Variants in RPS9 observed in about 807,000 individuals in gnomAD.
RPS9 encodes the protein small ribosomal subunit protein uS4.
RPS9 carries 1 observed loss-of-function variant against 16.9 expected under a neutral mutation model. The ratio of observed to expected loss-of-function variants is 0.06; its 90% confidence interval spans 0.02 to 0.28. The LOEUF is 0.28. RPS9 is among the 10% of genes least tolerant of loss of function. The probability of loss-of-function intolerance (pLI) is 1.00; values close to 1 mark genes in which losing one functional copy is unlikely to be tolerated. For missense variants in RPS9, 137 were observed against 273.2 expected (o/e 0.50, Z 3.51); for synonymous variants, 106 against 110.9 (o/e 0.96, Z 0.28).
chr19:54,207,608 CTCGTTT>C lies in RPS9; in HGVS notation c.*36_*41del. On this transcript the variant is annotated 3_prime_UTR_variant, in exon 5 of 5. Transcript: ENST00000302907. ...TGTCCCTCCTGGGCTGCTGGATTGT[CTCGTTT>C]TCCTGCCAAATAAACAGGATCAGCG... 6.5e-7 allele frequency: 1 copy of C among 1,537,430 alleles called. No individual in the cohort carries two copies. Among genetic ancestry groups the C allele is most frequent in the South Asian group, 1.2e-5 (1 of 83,530 alleles).
chr19:54,201,745 C>T (rs2077061252), intron 3 of RPS9, 136 bp downstream of exon 3: 1 of 1,466,902 alleles, frequency 6.8e-7, no homozygotes, highest in Non-Finnish European at 9.1e-7. Flanking sequence ...TTTAGTGGCA[C>T]TTGTGGAGTA....
intron 3 of RPS9, chr19:54,202,512 G>A (rs1489719657): frequency 1.0e-6 from 1 of 981,294 alleles, no homozygotes; most frequent in African/African-American, 1.8e-5. Flanking sequence ...GATGACTTTA[G>A]GAGGGCATGC....
intron 3 of RPS9, among the ~76,000 whole-genome samples, chr19:54,204,353 G>T (rs1387072170): frequency 6.6e-6 from 1 of 152,216 alleles, no homozygotes; most frequent in Non-Finnish European, 1.5e-5. Context: ...CAACGAGAGC[G>T]AAACTCTGTC....
intron 3 of RPS9, among the ~76,000 whole-genome samples, chr19:54,204,106 G>A (rs947565042): frequency 9.9e-5 from 15 of 152,150 alleles, no homozygotes; most frequent in African/African-American, 3.1e-4. Flanking sequence ...GGGCCTGAGT[G>A]CAGTGGCTCA....
Position 54,201,251 on chromosome 19 carries a change from T to C in RPS9, c.67T>C (p.Ser23Pro). The C allele has an allele frequency of 6.2e-7, 1 of 1,614,036 alleles. No individual in the cohort carries two copies. Among genetic ancestry groups the C allele is most frequent in the African/African-American group, 1.3e-5 (1 of 74,996 alleles). ...GACCCCGCGGAGACCCTTCGAGAAA[T>C]CTCGTCTCGACCAAGAGCTGAAGCT... Reference protein sequence around the residue: ...YVTPRRPFEKSRLDQELKLIG... With the variant: ...YVTPRRPFEKPRLDQELKLIG... Residue 23 changes from serine to proline, a missense_variant, in exon 2 of 5, where the codon TCT becomes CCT. This residue lies in a region of RPS9 where 64 missense variants were observed against 164.0 expected (regional missense o/e 0.39). Coordinates refer to ENST00000302907, the MANE Select transcript of RPS9 (RefSeq NM_001013.4).
intron 2 of RPS9, 78 bp downstream of exon 2, chr19:54,201,359 C>T (rs978456868): frequency 6.2e-7 from 1 of 1,608,134 alleles, no homozygotes; most frequent in African/African-American, 1.3e-5. Flanking sequence ...CCCATGTACT[C>T]TATCTAGTCC....
At chr19:54,205,688 C>G (rs1321694080) in intron 3 of RPS9, among the ~76,000 whole-genome samples, 1 of 152,080 alleles carries the variant, frequency 6.6e-6, no homozygotes, top group Non-Finnish European at 1.5e-5. Flanking sequence ...AGGTGATTTC[C>G]TTTACTCTTG....
Position 54,201,743 on chromosome 19 carries a change from C to T in RPS9, c.220+134C>T, listed in dbSNP as rs556707792. 3.5e-5 allele frequency: 51 copies of T among 1,470,946 alleles called. No individual in the cohort carries two copies. In the South Asian group the frequency reaches 6.0e-4, roughly 17 times the overall value. 91.1% of individuals were successfully genotyped at this position (1,470,946 alleles called of 1,614,324 possible). ...GAACCAGCCTTCTAACTTTTAGTGG[C>T]ACTTGTGGAGTAGGAAAAGTGTATC... is the stretch of plus-strand genomic sequence containing the variant. On this transcript the variant is annotated intron_variant, in intron 3 of 4. Transcript: ENST00000302907.
intron 4 of RPS9, 188 bp downstream of exon 4, chr19:54,206,650 C>T (rs2077252184): frequency 9.7e-6 from 15 of 1,549,882 alleles, no homozygotes; most frequent in Non-Finnish European, 1.3e-5. Context: ...CCCCAATAGC[C>T]CAGCGCAAGG....
In RPS9 at chr19:54,207,474, C is replaced by T. The variant is rs1325824131; in HGVS notation, c.484C>T (p.Arg162Cys). The T allele has an allele frequency of 3.1e-6, 5 of 1,613,608 alleles. No homozygotes were observed. In the South Asian group the frequency reaches 3.3e-5, roughly 11 times the overall value. ...DSQKHIDFSL[R>C]SPYGGGRPGR... ...CCAGAAGCACATCGACTTCTCTCTG[C>T]GCTCTCCCTACGGGGGTGGCCGCCC... is the stretch of plus-strand genomic sequence containing the variant. Residue 162 changes from arginine (R) to cysteine (C), a missense_variant, in exon 5 of 5, where the codon CGC (arginine) becomes TGC (cysteine). Physicochemically the swap from Arg to Cys is radical, Grantham distance 180 (BLOSUM62 -3). This residue lies in a region of RPS9 where 54 missense variants were observed against 90.9 expected (regional missense o/e 0.59). Coordinates refer to ENST00000302907, the MANE Select transcript of RPS9 (RefSeq NM_001013.4).
At chr19:54,205,953 A>G (rs2077225317) in intron 3 of RPS9, among the ~76,000 whole-genome samples, 1 of 152,168 alleles carries the variant, frequency 6.6e-6, no homozygotes, top group African/African-American at 2.4e-5. Flanking sequence ...AATAGCTGGG[A>G]TTACAGGCAG....
chr19:54,201,318 C>T (rs1168223263), intron 2 of RPS9, 37 bp downstream of exon 2: 2 of 1,613,696 alleles, frequency 1.2e-6, no homozygotes, highest in East Asian at 2.2e-5. Flanking sequence ...GGTTCGGCTT[C>T]CGGGAGGCGG....
At chr19:54,201,812 C>T (rs1228235590) in intron 3 of RPS9, 11 of 1,180,646 alleles carry the variant, frequency 9.3e-6, no homozygotes, top group African/African-American at 1.5e-5. Context: ...GGCTTTTTTG[C>T]CCAGTTATTG....
chr19:54,203,503 G>A (rs2077132359), intron 3 of RPS9, among the ~76,000 whole-genome samples: 1 of 152,202 alleles, frequency 6.6e-6, no homozygotes, highest in South Asian at 2.1e-4. Flanking sequence ...GGTGGCTCAT[G>A]CCTGTAATCC....
chr19:54,201,088 G>C, intron 1 of RPS9, 72 bp from the exon 2 acceptor site: 2 of 1,578,968 alleles, frequency 1.3e-6, no homozygotes, highest in Non-Finnish European at 8.6e-7. Context: ...GGCTCCGCGA[G>C]GTTTTGGCGT....
In RPS9 at chr19:54,201,155, C is replaced by T. The variant is rs768802854; in HGVS notation, c.-25-5C>T. The stretch of plus-strand genomic sequence containing the variant: ...CCCTTACGCTCACACTTCTCTCCCG[C>T]GCAGGCGCAGACGGGGAAGCGGAGC... On this transcript the variant is annotated splice_region_variant and splice_polypyrimidine_tract_variant and intron_variant, in intron 1 of 4. Coordinates refer to ENST00000302907, the MANE Select transcript of RPS9 (RefSeq NM_001013.4). 2.5e-6 allele frequency: 4 copies of T among 1,612,646 alleles called. No homozygotes were observed. Among genetic ancestry groups the T allele is most frequent in the Non-Finnish European group, 3.4e-6 (4 of 1,179,898 alleles).
chr19:54,206,222 C>T (rs2077235927), intron 3 of RPS9, 54 bp from the exon 4 acceptor site: 4 of 1,569,942 alleles, frequency 2.5e-6, no homozygotes, highest in Non-Finnish European at 3.5e-6. Flanking sequence ...GGATTTGAAC[C>T]CAAGAAGCCT....
intron 3 of RPS9, 35 bp downstream of exon 3, chr19:54,201,644 G>A (rs1214700897): frequency 6.2e-7 from 1 of 1,612,924 alleles, no homozygotes; most frequent in East Asian, 2.2e-5. Flanking sequence ...GGGATGGGGT[G>A]CAGGGCTTGT....
intron 3 of RPS9, among the ~76,000 whole-genome samples, chr19:54,205,325 G>C (rs1471472187): frequency 6.7e-6 from 1 of 149,814 alleles, no homozygotes; most frequent in African/African-American, 2.4e-5. Flanking sequence ...AAGCCGTCCT[G>C]AGCCTGGGGT....
Sources: gnomAD v4.1 joint callset for allele counts (sites outside exome capture counted in the v4.1 genomes callset) on GRCh38, gnomAD v4.1.1 for gene constraint, gnomAD v4.1.1 regional missense constraint, MANE v1.5 for transcripts, NCBI Gene and HGNC (gene_info 2026-07-23, HGNC 2026-07-21) for gene names.